The following PAX7 variants were observed in gnomAD, a reference collection of about 807,000 sequenced individuals.
PAX7 encodes paired box 7, also known as paired box protein Pax-7.
A neutral mutation model predicts 50.7 loss-of-function variants in PAX7; 18 were observed. The ratio of observed to expected loss-of-function variants is 0.36; its 90% CI spans 0.25 to 0.53. PAX7 has a LOEUF of 0.53. PAX7 is among the 20% of genes least tolerant of loss of function. PAX7 has a pLI of 0.93. For missense variants in PAX7, 644 were observed against 702.9 expected (o/e 0.92, Z 0.95); for synonymous variants, 310 against 290.4 (o/e 1.07, Z -0.69).
chr1:18,638,316 G>A (rs2088195056), intron 4 of PAX7, among the ~76,000 whole-genome samples: 1 of 152,222 alleles, frequency 6.6e-6, no homozygotes, highest in South Asian at 2.1e-4. Flanking sequence ...CAGGGAATGC[G>A]GGGCGTTCCA....
chr1:18,649,464 A>G (rs1157875650), intron 4 of PAX7, among the ~76,000 whole-genome samples: 1 of 152,096 alleles, frequency 6.6e-6, no homozygotes, highest in African/African-American at 2.4e-5. Flanking sequence ...CCTTTGCCCT[A>G]AGAAGCCTGA....
chr1:18,656,864 C>T (rs571479094), intron 4 of PAX7, among the ~76,000 whole-genome samples: 3 of 151,922 alleles, frequency 2.0e-5, no homozygotes, highest in South Asian at 2.1e-4. Context: ...TGGTGGGGCA[C>T]GCCTGTGGTC....
At chr1:18,706,941 C>T (rs1465026426) in intron 7 of PAX7, among the ~76,000 whole-genome samples, 1 of 152,108 alleles carries the variant, frequency 6.6e-6, no homozygotes, top group Non-Finnish European at 1.5e-5. Flanking sequence ...GTGGCTTGAC[C>T]CAAGTCCCTT....
At chr1:18,690,895 G>C (rs2089059134) in intron 4 of PAX7, among the ~76,000 whole-genome samples, 1 of 152,202 alleles carries the variant, frequency 6.6e-6, no homozygotes, top group African/African-American at 2.4e-5. Flanking sequence ...CCCGAGGAGG[G>C]GAGGTGGCCT....
chr1:18,651,109 C>T (rs548688840), intron 4 of PAX7, among the ~76,000 whole-genome samples: 8 of 152,166 alleles, frequency 5.3e-5, no homozygotes, highest in Non-Finnish European at 1.0e-4. Flanking sequence ...GTCCCCTGAG[C>T]TGTGGCTTCC....
intron 7 of PAX7, among the ~76,000 whole-genome samples, chr1:18,734,871 G>C (rs2089691294): frequency 6.6e-6 from 1 of 152,194 alleles, no homozygotes; most frequent in Admixed American, 6.5e-5. Context: ...GAACATCCCA[G>C]TAAGTGAACA....
At chr1:18,643,019 T>C (rs1235153054) in intron 4 of PAX7, among the ~76,000 whole-genome samples, 1 of 151,964 alleles carries the variant, frequency 6.6e-6, no homozygotes, top group Non-Finnish European at 1.5e-5. Context: ...GGGGGTCGGC[T>C]GCACTTGGAA....
intron 7 of PAX7, among the ~76,000 whole-genome samples, chr1:18,705,343 T>A (rs2089269955): frequency 6.6e-6 from 1 of 152,168 alleles, no homozygotes; most frequent in South Asian, 2.1e-4. Flanking sequence ...AGATCCAAGC[T>A]TTCCACACCC....
chr1:18,735,995 C>A lies in PAX7; in HGVS notation c.1402+117C>A. 1 of 1,609,878 alleles carries A rather than the reference C, an allele frequency of 6.2e-7. No homozygotes were observed. The highest frequency in any genetic ancestry group is 8.5e-7 in the Non-Finnish European group (1 of 1,177,206). On this transcript the variant is annotated intron_variant, in intron 8 of 8. Transcript: ENST00000420770. This position sits in a 1 kb window ranked among gnomAD's most constrained non-coding sequence, Gnocchi z 4.0. Reference sequence around the variant, plus strand: ...GTCAGGGTGGGGAATGTCCATTTCACAGATGGAAAAATTGAAGTCCAGCCA... The same window carrying A: ...GTCAGGGTGGGGAATGTCCATTTCAAAGATGGAAAAATTGAAGTCCAGCCA...
intron 4 of PAX7, 45 bp from the exon 5 acceptor site, chr1:18,691,709 T>G (rs1488102083): frequency 3.3e-6 from 5 of 1,531,642 alleles, no homozygotes; most frequent in Non-Finnish European, 4.4e-6. Context: ...CACCCTTCCA[T>G]CTCTCTAAGC....
chr1:18,633,845 C>A (rs749660021), intron 1 of PAX7, among the ~76,000 whole-genome samples: 1 of 152,240 alleles, frequency 6.6e-6, no homozygotes, highest in South Asian at 2.1e-4. Flanking sequence ...ACATCACACC[C>A]GTTATTGGCC....
At chr1:18,650,780 A>G (rs2088418259) in intron 4 of PAX7, among the ~76,000 whole-genome samples, 1 of 152,174 alleles carries the variant, frequency 6.6e-6, no homozygotes. Flanking sequence ...TCCCCAAAGT[A>G]TTATGCCAGG....
intron 7 of PAX7, among the ~76,000 whole-genome samples, chr1:18,725,820 G>A (rs781119365): frequency 9.9e-5 from 15 of 152,124 alleles, no homozygotes; most frequent in Non-Finnish European, 1.9e-4. Flanking sequence ...CAGGGGCCCT[G>A]AGCCCTTGGA....
At chr1:18,650,510 C>T (rs1284179058) in intron 4 of PAX7, among the ~76,000 whole-genome samples, 5 of 152,140 alleles carry the variant, frequency 3.3e-5, no homozygotes, top group Non-Finnish European at 7.4e-5. Context: ...GGGCAGAGGG[C>T]GGAGGACAGA....
chr1:18,702,600 C>T (rs547750760), intron 6 of PAX7, among the ~76,000 whole-genome samples: 2 of 152,258 alleles, frequency 1.3e-5, no homozygotes, highest in Non-Finnish European at 1.5e-5. Flanking sequence ...ATCCTGGTCC[C>T]ATCACTCACT....
At chr1:18,662,885 A>G (rs1402631524) in intron 4 of PAX7, among the ~76,000 whole-genome samples, 1 of 151,058 alleles carries the variant, frequency 6.6e-6, no homozygotes, top group African/African-American at 2.4e-5. Context: ...TAAGTTCTTT[A>G]TATTGAAGGA....
At chr1:18,705,834 G>C (rs577633266) in intron 7 of PAX7, among the ~76,000 whole-genome samples, 17 of 152,294 alleles carry the variant, frequency 1.1e-4, no homozygotes, top group Admixed American at 4.6e-4. Flanking sequence ...GAGGCCTCCA[G>C]CCCATTCCTC....
At chr1:18,648,174 C>G (rs1395655260) in intron 4 of PAX7, among the ~76,000 whole-genome samples, 2 of 151,958 alleles carry the variant, frequency 1.3e-5, no homozygotes, top group African/African-American at 4.8e-5. Flanking sequence ...GGGTATGTGA[C>G]ACAGGCTCCT....
At chr1:18,737,908 A>C (rs1930875709) in intron 8 of PAX7, among the ~76,000 whole-genome samples, 2 of 152,238 alleles carry the variant, frequency 1.3e-5, no homozygotes, top group African/African-American at 4.8e-5. Flanking sequence ...GAGTGTGCAA[A>C]CATGTGACTG....
Sources: gnomAD v4.1 joint callset for allele counts (sites outside exome capture counted in the v4.1 genomes callset) on GRCh38, gnomAD v4.1.1 for gene constraint, Gnocchi (gnomAD v3.1) non-coding constraint, MANE v1.5 for transcripts, NCBI Gene and HGNC (gene_info 2026-07-23, HGNC 2026-07-21) for gene names.